The following NKAIN3 variants were observed in gnomAD, a reference collection of about 807,000 sequenced individuals.
NKAIN3 encodes the protein sodium/potassium transporting ATPase interacting 3, also known as sodium/potassium-transporting ATPase subunit beta-1-interacting protein 3.
NKAIN3 carries 25 observed loss-of-function variants against 30.2 expected under a neutral mutation model. The observed-to-expected ratio is 0.83, with a 90% CI of 0.60 to 1.16. NKAIN3 has a LOEUF of 1.16. NKAIN3 is among the 50% of genes most tolerant of loss of function. NKAIN3 has a pLI of 0.00. For synonymous variants in NKAIN3, 91 were observed against 89.6 expected, an observed-to-expected ratio of 1.02 and a Z score of -0.09; for missense variants, 225 against 254.1, an observed-to-expected ratio of 0.89 and a Z score of 0.78.
intron 3 of NKAIN3, among the ~76,000 whole-genome samples, chr8:62,688,737 G>GACACAC (rs1339313689): frequency 9.6e-5 from 14 of 146,544 alleles, no homozygotes; most frequent in African/African-American, 3.2e-4. Flanking sequence ...CAGACAGACA[G>GACACAC]ACAGACACAC....
intron 5 of NKAIN3, among the ~76,000 whole-genome samples, chr8:62,942,205 TATATATACACATATATATAC>T (rs1231351995): frequency 8.0e-4 from 28 of 35,178 alleles, no homozygotes; most frequent in Non-Finnish European, 1.4e-3. Context: ...TATACACACA[TATATATACACATATATATAC>T]ATATATATAC....
At chr8:62,414,444 G>A (rs1263843167) in intron 1 of NKAIN3, among the ~76,000 whole-genome samples, 1 of 152,126 alleles carries the variant, frequency 6.6e-6, no homozygotes, top group Non-Finnish European at 1.5e-5. Flanking sequence ...TTGATGCTTT[G>A]TTTTAGTGTA....
At chr8:62,261,071 A>T (rs1324169148) in intron 1 of NKAIN3, among the ~76,000 whole-genome samples, 1 of 152,160 alleles carries the variant, frequency 6.6e-6, no homozygotes, top group Non-Finnish European at 1.5e-5. Flanking sequence ...TAAATTATTT[A>T]CTAGCATATC....
intron 4 of NKAIN3, among the ~76,000 whole-genome samples, chr8:62,877,900 C>A (rs74364292): frequency 0.29 from 43,759 of 151,756 alleles, 6,594 homozygotes; most frequent in African/African-American, 0.35. Context: ...ATTAGCCGGG[C>A]ATGGTGGCAC....
chr8:62,340,287 T>G (rs2351945), intron 1 of NKAIN3, among the ~76,000 whole-genome samples: 5,955 of 152,062 alleles, frequency 0.039, 422 homozygotes, highest in African/African-American at 0.14. Flanking sequence ...TCTCTTTTTA[T>G]AATTTTTTCC....
chr8:62,370,727 A>T (rs1816882459), intron 1 of NKAIN3, among the ~76,000 whole-genome samples: 1 of 152,038 alleles, frequency 6.6e-6, no homozygotes, highest in Non-Finnish European at 1.5e-5. Flanking sequence ...TTATTATTAA[A>T]TTTTTAAAAT....
At chr8:62,613,054 C>T (rs1380295605) in intron 3 of NKAIN3, among the ~76,000 whole-genome samples, 1 of 152,040 alleles carries the variant, frequency 6.6e-6, no homozygotes, top group Non-Finnish European at 1.5e-5. Flanking sequence ...GTAGTTTACA[C>T]ACCACAGTTA....
At chr8:62,542,998 C>T (rs1310469495) in intron 1 of NKAIN3, among the ~76,000 whole-genome samples, 1 of 152,164 alleles carries the variant, frequency 6.6e-6, no homozygotes, top group Non-Finnish European at 1.5e-5. Context: ...CATAATGAGA[C>T]ACTGAAGTGG....
intron 1 of NKAIN3, among the ~76,000 whole-genome samples, chr8:62,523,826 C>A (rs535117546): frequency 2.0e-5 from 3 of 152,008 alleles, no homozygotes; most frequent in Non-Finnish European, 4.4e-5. Context: ...TCTCCTTTGG[C>A]GTGTACAGTG....
intron 1 of NKAIN3, among the ~76,000 whole-genome samples, chr8:62,349,459 T>C (rs944790930): frequency 6.6e-6 from 1 of 152,186 alleles, no homozygotes; most frequent in African/African-American, 2.4e-5. Flanking sequence ...TGTTCAACTA[T>C]TAGTAATTTG....
At chr8:62,624,520 T>A (rs1261691896) in intron 3 of NKAIN3, among the ~76,000 whole-genome samples, 1 of 151,450 alleles carries the variant, frequency 6.6e-6, no homozygotes, top group African/African-American at 2.4e-5. Flanking sequence ...TATTTAGGTT[T>A]TTTTTTTTAA....
At chr8:62,915,887 A>G (rs1822084306) in intron 4 of NKAIN3, among the ~76,000 whole-genome samples, 1 of 152,246 alleles carries the variant, frequency 6.6e-6, no homozygotes. Flanking sequence ...TTAATAAATG[A>G]GCAAAAAACC....
intron 1 of NKAIN3, among the ~76,000 whole-genome samples, chr8:62,323,823 A>G (rs994988314): frequency 1.3e-5 from 2 of 152,222 alleles, no homozygotes. Context: ...AAACCTTAAG[A>G]GCATATTGCT....
chr8:62,464,014 A>G (rs983625333), intron 1 of NKAIN3, among the ~76,000 whole-genome samples: 18 of 152,322 alleles, frequency 1.2e-4, no homozygotes, highest in Middle Eastern at 3.4e-3. Flanking sequence ...TTCCTAGGAC[A>G]TAAAGAGGAC....
chr8:62,841,472 C>T (rs1182806872), intron 4 of NKAIN3, among the ~76,000 whole-genome samples: 1 of 152,052 alleles, frequency 6.6e-6, no homozygotes, highest in Non-Finnish European at 1.5e-5. Flanking sequence ...CTCACTCCTC[C>T]CCACCCAAGC....
chr8:62,492,014 G>A (rs1807081101), intron 1 of NKAIN3, among the ~76,000 whole-genome samples: 1 of 152,096 alleles, frequency 6.6e-6, no homozygotes, highest in African/African-American at 2.4e-5. Flanking sequence ...TATCAATTGA[G>A]GAATCACCAA....
chr8:62,608,791 T>A (rs901106826), intron 3 of NKAIN3, among the ~76,000 whole-genome samples: 7 of 152,174 alleles, frequency 4.6e-5, no homozygotes, highest in African/African-American at 1.4e-4. Flanking sequence ...GGGGATCTAA[T>A]CAATGAAATC....
rs565093523 is a variant in NKAIN3, at chr8:62,364,404, G to T, written c.54+115277G>T. ...ATTATGAAATCTGATCCTAAAGGATGTAGCAAAACCAGTGGTCTTTCTTAC... is the reference window on the plus strand; with the variant it reads ...ATTATGAAATCTGATCCTAAAGGATTTAGCAAAACCAGTGGTCTTTCTTAC... On this transcript the variant is annotated intron_variant, in intron 1 of 6. Coordinates refer to ENST00000623646, the MANE Select transcript of NKAIN3 (RefSeq NM_001304533.3). 1.2e-4 allele frequency among the ~76,000 whole-genome samples: 19 copies of T among 152,046 alleles called. No individual in the cohort carries two copies. The East Asian group carries it at 3.1e-3, about 25-fold the overall frequency.
At chr8:62,303,804 C>T (rs1814133455) in intron 1 of NKAIN3, among the ~76,000 whole-genome samples, 1 of 150,574 alleles carries the variant, frequency 6.6e-6, no homozygotes, top group Non-Finnish European at 1.5e-5. Context: ...AACTCATAAC[C>T]TAATGTCTTA....
Sources: allele counts gnomAD v4.1 joint callset (sites outside exome capture counted in the v4.1 genomes callset), GRCh38; gene constraint gnomAD v4.1.1; transcripts MANE v1.5; gene names NCBI Gene and HGNC (gene_info 2026-07-23, HGNC 2026-07-21).